The following SNX15 variants were observed in gnomAD, a reference collection of about 807,000 sequenced individuals.
The protein encoded by SNX15 is sorting nexin-15.
In SNX15, 29 loss-of-function variants were observed where a neutral mutation model predicts 35.2. The ratio of observed to expected loss-of-function variants is 0.82; its 90% CI spans 0.61 to 1.12. SNX15 has a LOEUF of 1.12. Ranked by LOEUF, SNX15 falls within the 50% of genes most tolerant of loss-of-function variation. The pLI, the probability that SNX15 is intolerant of heterozygous loss-of-function variation, is 0.00. For missense variants in SNX15, 400 were observed against 451.5 expected, an observed-to-expected ratio of 0.89 and a Z score of 1.03; for synonymous variants, 189 against 188.2, an observed-to-expected ratio of 1.00 and a Z score of -0.03.
At position 65,032,204 on chromosome 11, in the gene SNX15, G is replaced by A. The variant is rs1946447000; in HGVS notation, c.135+1G>A. ...GAAGGACCCAGAGGATGTCAAAGAGGTGAGGCTCCTGGGAGGAAGAGGGAC... is the reference window on the plus strand; with the variant it reads ...GAAGGACCCAGAGGATGTCAAAGAGATGAGGCTCCTGGGAGGAAGAGGGAC... On this transcript the variant is annotated splice_donor_variant, in intron 2 of 7. Coordinates refer to ENST00000377244, the MANE Select transcript of SNX15 (RefSeq NM_013306.5). LOFTEE classifies it high-confidence loss of function. 6.2e-7 allele frequency: 1 copy of A among 1,613,880 alleles called. No individual in the cohort carries two copies. Among genetic ancestry groups the A allele is most frequent in the Non-Finnish European group, 8.5e-7 (1 of 1,179,844 alleles).
chr11:65,035,320 A>G (rs1270302666), intron 5 of SNX15, 114 bp downstream of exon 5: 6 of 1,283,312 alleles, frequency 4.7e-6, no homozygotes, highest in Non-Finnish European at 6.4e-6. Context: ...CAGGTCTATC[A>G]CTTAACTGGC....
At chr11:65,038,992 G>GTT (rs1314353612) in intron 7 of SNX15, among the ~76,000 whole-genome samples, 163 bp downstream of exon 7, 1 of 133,162 alleles carries the variant, frequency 7.5e-6, no homozygotes, top group African/African-American at 2.7e-5. Flanking sequence ...TGTTGTTGTT[G>GTT]TTTTTAACCT....
chr11:65,039,069 T>C (rs1358279022), intron 7 of SNX15, among the ~76,000 whole-genome samples: 1 of 144,684 alleles, frequency 6.9e-6, no homozygotes, highest in South Asian at 2.2e-4. Context: ...CTTGCTCTTG[T>C]TGCAGGCTGG....
chr11:65,033,506 T>C (rs1335655840), intron 3 of SNX15, among the ~76,000 whole-genome samples: 2 of 143,494 alleles, frequency 1.4e-5, no homozygotes, highest in Admixed American at 1.4e-4. Flanking sequence ...AGTGTGCCAT[T>C]GCACTCCAGC....
intron 1 of SNX15, among the ~76,000 whole-genome samples, chr11:65,029,414 C>T (rs1323921037): frequency 1.3e-5 from 2 of 151,474 alleles, no homozygotes; most frequent in Non-Finnish European, 2.9e-5. Context: ...CCTTGGCCTC[C>T]CAAAGTGCTG....
Position 65,035,645 on chromosome 11 carries a change from G to C in SNX15, c.646G>C (p.Asp216His), listed in dbSNP as rs1207063918. ...CACCGAGGCTGAGCTTGCCCTCTTC[G>C]ACCCCTTCTCCAAGGAAGGTAATGA... ...PLTEAELALF[D>H]PFSKEEGAAP... The change falls in exon 6 of 8, where the codon GAC becomes CAC. Residue 216 changes from aspartate to histidine, a missense_variant. By Grantham distance (81) the Asp-to-His change is moderately conservative. Coordinates refer to ENST00000377244, the MANE Select transcript of SNX15 (RefSeq NM_013306.5). 1 of 1,607,488 alleles carries C rather than the reference G, an allele frequency of 6.2e-7. No individual in the cohort carries two copies. Among genetic ancestry groups the C allele is most frequent in the Non-Finnish European group, 8.5e-7 (1 of 1,177,270 alleles).
Position 65,027,558 on chromosome 11 carries a change from T to C in SNX15, c.21T>C (p.Asp7=). The change falls in exon 1 of 8, where the codon GAT becomes GAC. Residue 7 remains aspartate, a synonymous_variant. Transcript: ENST00000377244. MSRQAK[D]DFLRHYTVSD... is the part of the protein sequence containing the mutation. ...GTTTCATGTCCCGCCAGGCGAAGGA[T>C]GACTTCCTGCGGCACTACACAGTGT... 1.2e-6 allele frequency: 2 copies of C among 1,614,020 alleles called. No individual in the cohort carries two copies. Among genetic ancestry groups the C allele is most frequent in the Non-Finnish European group, 1.7e-6 (2 of 1,179,986 alleles).
chr11:65,033,173 G>A (rs1946460182), intron 3 of SNX15, among the ~76,000 whole-genome samples: 2 of 152,088 alleles, frequency 1.3e-5, no homozygotes, highest in Non-Finnish European at 2.9e-5. Context: ...ACTGCACCCG[G>A]CCCATCTCAA....
intron 6 of SNX15, chr11:65,036,731 T>G (rs1435802106): frequency 6.7e-6 from 1 of 148,994 alleles, no homozygotes; most frequent in East Asian, 2.0e-4. Context: ...TGGAGTGCAG[T>G]GGCGCGATCT....
chr11:65,038,877 G>T (rs1946534380), intron 7 of SNX15, 48 bp downstream of exon 7: 1 of 1,466,492 alleles, frequency 6.8e-7, no homozygotes, highest in South Asian at 1.4e-5. Context: ...CCCAGGTGGG[G>T]CAGTGATGAA....
intron 1 of SNX15, among the ~76,000 whole-genome samples, chr11:65,030,486 C>T (rs567936273): frequency 8.1e-5 from 12 of 148,466 alleles, no homozygotes; most frequent in Admixed American, 3.3e-4. Flanking sequence ...CATGACCCAC[C>T]GTACCTGGCC....
chr11:65,027,510 G>GCGCTC lies in SNX15; in HGVS notation c.-16_-12dup, dbSNP rs761997851. 2.7e-5 allele frequency: 43 copies of GCGCTC among 1,599,136 alleles called. No homozygotes were observed. Among genetic ancestry groups the GCGCTC allele is most frequent in the African/African-American group, 1.3e-4 (10 of 74,648 alleles). On this transcript the variant is annotated 5_prime_UTR_variant, in exon 1 of 8. Transcript: ENST00000377244. ...GGGGACGGCGAGGAGGTGGAGGCCG[G>GCGCTC]CGCTCCGCTCCGCTCCAGCTCGGTT...
rs1337710377 is a variant in SNX15 at position 65,034,880 on chromosome 11, G to A, written c.290G>A (p.Arg97Gln). The part of the protein sequence containing the change: ...RFEASVIEER[R>Q]KGAEDLLRFT... ...GAAGCCTCAGTGATCGAGGAGCGGC[G>A]AAAGGGGGCAGAGGACCTGCTTCGC... is the stretch of plus-strand genomic sequence containing the variant. Residue 97 changes from arginine to glutamine, a missense_variant, in exon 4 of 8, where the codon CGA (arginine) becomes CAA (glutamine). Transcript: ENST00000377244. 3.1e-6 allele frequency: 5 copies of A among 1,614,026 alleles called. No individual in the cohort carries two copies. The highest frequency in any genetic ancestry group is 2.2e-5 in the South Asian group (2 of 91,086).
At position 65,032,447 on chromosome 11, in the gene SNX15, G is replaced by A. The variant is rs770524096; in HGVS notation, c.152G>A (p.Arg51Gln). The A allele has an allele frequency of 5.0e-6, 8 of 1,614,064 alleles. No individual in the cohort carries two copies. Among genetic ancestry groups the A allele is most frequent in the Middle Eastern group, 1.6e-4 (1 of 6,084 alleles). The change falls in exon 3 of 8, where the codon CGG becomes CAG. Residue 51 changes from arginine to glutamine, a missense_variant. By Grantham distance (43) the Arg-to-Gln change is conservative. Coordinates refer to ENST00000377244, the MANE Select transcript of SNX15 (RefSeq NM_013306.5). ...EDVKEVVVWK[R>Q]YSDFRKLHGD... is the part of the protein sequence containing the mutation. ...ACCTCATAGGTGGTGGTCTGGAAGC[G>A]GTACAGCGACTTCCGCAAGCTGCAT...
intron 6 of SNX15, 88 bp downstream of exon 6, chr11:65,035,751 C>CA: frequency 5.9e-6 from 8 of 1,361,560 alleles, no homozygotes; most frequent in Non-Finnish European, 8.0e-6. Flanking sequence ...CTGCTCAGTG[C>CA]CTGCGCAGAT....
At chr11:65,033,826 C>T (rs1472953334) in intron 3 of SNX15, among the ~76,000 whole-genome samples, 1 of 151,990 alleles carries the variant, frequency 6.6e-6, no homozygotes, top group African/African-American at 2.4e-5. Context: ...CCTCAGCCTC[C>T]CAAATAGCCA....
In SNX15 at chr11:65,032,192, G is replaced by A; in HGVS notation, c.124G>A (p.Asp42Asn). The change falls in exon 2 of 8, where the codon GAT becomes AAT. Residue 42 changes from aspartate (D) to asparagine (N), a missense_variant. Coordinates refer to ENST00000377244, the MANE Select transcript of SNX15 (RefSeq NM_013306.5). ...GTTCATCTCAAAGAAGGACCCAGAG[G>A]ATGTCAAAGAGGTGAGGCTCCTGGG... ...AQFISKKDPE[D>N]VKEVVVWKRY... is the part of the protein sequence containing the mutation. 1.9e-6 allele frequency: 3 copies of A among 1,614,212 alleles called. No individual in the cohort carries two copies. Among genetic ancestry groups the A allele is most frequent in the Non-Finnish European group, 2.5e-6 (3 of 1,180,016 alleles).
Position 65,027,649 on chromosome 11 carries a change from C to T in SNX15, c.99+13C>T, listed in dbSNP as rs755452996. The T allele has an allele frequency of 3.1e-6, 5 of 1,600,308 alleles. No individual in the cohort carries two copies. The highest frequency in any genetic ancestry group is 1.3e-5 in the African/African-American group (1 of 74,774). On this transcript the variant is annotated intron_variant, in intron 1 of 7. Transcript: ENST00000377244. ...AGTAACCGCGCAGGTGAGGTGGGGC[C>T]CAGCGCGTACTTTACCCTTTTAACT... is the stretch of plus-strand genomic sequence containing the variant.
At chr11:65,036,269 C>T (rs1486958384) in intron 6 of SNX15, 1 of 152,292 alleles carries the variant, frequency 6.6e-6, no homozygotes, top group East Asian at 1.9e-4. Context: ...TTGCCAACGC[C>T]TGGCACATTG....
Sources: allele counts gnomAD v4.1 joint callset (sites outside exome capture counted in the v4.1 genomes callset), GRCh38; gene constraint gnomAD v4.1.1; transcripts MANE v1.5; gene names NCBI Gene and HGNC (gene_info 2026-07-23, HGNC 2026-07-21).